Variants in FAP observed in about 807,000 individuals in gnomAD.
FAP encodes the protein fibroblast activation protein alpha, also known as prolyl endopeptidase FAP.
A neutral mutation model predicts 126.5 loss-of-function variants in FAP; 110 were observed. The observed-to-expected ratio is 0.87, with a 90% CI of 0.74 to 1.02. The LOEUF (loss-of-function observed/expected upper bound fraction) is 1.02, where lower values mean the gene tolerates loss of function less well. Ranked by LOEUF, FAP falls within the 50% of genes least tolerant of loss-of-function variation. The pLI is 0.00. For missense variants in FAP, 919 were observed against 909.2 expected, an observed-to-expected ratio of 1.01 and a Z score of -0.14; for synonymous variants, 334 against 297.3, an observed-to-expected ratio of 1.12 and a Z score of -1.27.
Position 162,219,134 on chromosome 2 carries a change from G to A in FAP, c.536C>T (p.Pro179Leu), listed in dbSNP as rs1459852729. 3.7e-6 allele frequency: 6 copies of A among 1,606,604 alleles called. No individual in the cohort carries two copies. The highest frequency in any genetic ancestry group is 5.1e-6 in the Non-Finnish European group (6 of 1,175,450). The change falls in exon 8 of 26, where the codon CCA becomes CTA. Residue 179 changes from proline to leucine, a missense_variant. Transcript: ENST00000188790. ...NIYLKQRPGDPPFQITFNGRE... is the reference protein window; with the variant it reads ...NIYLKQRPGDLPFQITFNGRE... Reference sequence around the variant, plus strand: ...TCCATTAAATGTTATTTGAAAAGGTGGATCTCCTGGTCTTTGTTTCAAATA... The same window carrying A: ...TCCATTAAATGTTATTTGAAAAGGTAGATCTCCTGGTCTTTGTTTCAAATA...
chr2:162,243,195 T>TCCCAAC, intron 1 of FAP, 127 bp downstream of exon 1: 1 of 865,584 alleles, frequency 1.2e-6, no homozygotes, highest in Non-Finnish European at 1.9e-6. Flanking sequence ...AATTTTCCAA[T>TCCCAAC]CCCAACCCAT....
At chr2:162,198,158 TA>T in intron 16 of FAP, 2 of 1,282,580 alleles carry the variant, frequency 1.6e-6, no homozygotes, top group Non-Finnish European at 2.0e-6. Context: ...TATGGTTTGT[TA>T]TATTTGATGC....
At chr2:162,193,080 C>T (rs1688112275) in intron 17 of FAP, among the ~76,000 whole-genome samples, 2 of 152,106 alleles carry the variant, frequency 1.3e-5, no homozygotes, top group Non-Finnish European at 2.9e-5. Flanking sequence ...AGATCCAGGA[C>T]CTAGCACAGT....
chr2:162,235,926 G>A (rs1690111241), intron 2 of FAP, among the ~76,000 whole-genome samples: 1 of 152,200 alleles, frequency 6.6e-6, no homozygotes, highest in Non-Finnish European at 1.5e-5. Flanking sequence ...CTTTCATTAA[G>A]TGTGATGTTA....
At chr2:162,185,914 C>G (rs1284916602) in intron 20 of FAP, among the ~76,000 whole-genome samples, 1 of 152,070 alleles carries the variant, frequency 6.6e-6, no homozygotes. Flanking sequence ...CTTTTGTTTT[C>G]TCAAAGCATT....
chr2:162,186,919 T>A (rs1486392470), intron 20 of FAP, among the ~76,000 whole-genome samples: 1 of 152,054 alleles, frequency 6.6e-6, no homozygotes, highest in Non-Finnish European at 1.5e-5. Context: ...AAGTGAATAG[T>A]TGAAAGGCCA....
intron 21 of FAP, among the ~76,000 whole-genome samples, chr2:162,177,524 G>A (rs1687526254): frequency 6.6e-6 from 1 of 152,050 alleles, no homozygotes; most frequent in South Asian, 2.1e-4. Context: ...CCTTCTGCCT[G>A]GAATGCTCTT....
chr2:162,188,384 A>T lies in FAP; in HGVS notation c.1620-21T>A, dbSNP rs377402804. The T allele has an allele frequency of 1.3e-5, 21 of 1,603,158 alleles. 1 individual carries two copies. In the African/African-American group the frequency reaches 1.9e-4, roughly 14 times the overall value. On this transcript the variant is annotated intron_variant, in intron 19 of 25. Coordinates refer to ENST00000188790, the MANE Select transcript of FAP (RefSeq NM_004460.5). Reference sequence around the variant, plus strand: ...CATACCTAAAGGAAAAACAAAAAAAACAAGAATCTTTGATTGCTTTGTAAA... The same window carrying T: ...CATACCTAAAGGAAAAACAAAAAAATCAAGAATCTTTGATTGCTTTGTAAA...
At chr2:162,182,263 A>G (rs1454523680) in intron 21 of FAP, among the ~76,000 whole-genome samples, 1 of 152,226 alleles carries the variant, frequency 6.6e-6, no homozygotes, top group Non-Finnish European at 1.5e-5. Context: ...GCAAAAGCAA[A>G]GTCCAACTCT....
chr2:162,181,909 T>C (rs1011218132), intron 21 of FAP, among the ~76,000 whole-genome samples: 19 of 152,230 alleles, frequency 1.2e-4, no homozygotes, highest in Non-Finnish European at 2.4e-4. Flanking sequence ...AATGTCTTTA[T>C]CCACATACTA....
chr2:162,205,822 T>G (rs1053248343), intron 12 of FAP, among the ~76,000 whole-genome samples: 1 of 152,204 alleles, frequency 6.6e-6, no homozygotes, highest in African/African-American at 2.4e-5. Context: ...TATGTCTCCT[T>G]CTTATTCCTC....
intron 6 of FAP, 76 bp downstream of exon 6, chr2:162,223,532 A>G: frequency 1.1e-6 from 1 of 947,148 alleles, no homozygotes; most frequent in Non-Finnish European, 1.7e-6. Context: ...AGTCTTCTTA[A>G]CCCCAAATCA....
chr2:162,221,315 A>G (rs1028104179), intron 6 of FAP, among the ~76,000 whole-genome samples: 1 of 152,094 alleles, frequency 6.6e-6, no homozygotes, highest in Non-Finnish European at 1.5e-5. Flanking sequence ...GGATTTCTTG[A>G]GGCCAGGAGT....
intron 20 of FAP, among the ~76,000 whole-genome samples, chr2:162,185,197 T>C (rs2106223407): frequency 6.6e-6 from 1 of 152,294 alleles, no homozygotes; most frequent in South Asian, 2.1e-4. Context: ...TTTCTAATCT[T>C]GGAGTCTGGA....
chr2:162,208,170 C>T (rs556737947), intron 12 of FAP, among the ~76,000 whole-genome samples: 167 of 151,194 alleles, frequency 1.1e-3, no homozygotes, highest in African/African-American at 3.7e-3. Context: ...GCAGGAGAAT[C>T]GCTTGAACCC....
intron 17 of FAP, among the ~76,000 whole-genome samples, chr2:162,191,205 C>T (rs557124592): frequency 9.9e-5 from 15 of 152,176 alleles, no homozygotes; most frequent in Admixed American, 3.3e-4. Context: ...AGACAGTATC[C>T]GGGTGTTGTC....
intron 14 of FAP, 122 bp downstream of exon 14, chr2:162,202,750 C>G: frequency 3.0e-6 from 2 of 657,640 alleles, no homozygotes; most frequent in Non-Finnish European, 5.1e-6. Context: ...AATGAACTCA[C>G]AACTGTCTGA....
chr2:162,214,922 A>G (rs957446042), intron 10 of FAP, among the ~76,000 whole-genome samples: 7 of 152,166 alleles, frequency 4.6e-5, no homozygotes, highest in Non-Finnish European at 1.0e-4. Context: ...AGTGTTCAGA[A>G]TACGTTTGCT....
rs754071047 is a variant in FAP, at chr2:162,192,530, A to ACCCTATC, written c.1450+2164_1450+2170dup. 1.1e-3 allele frequency among the ~76,000 whole-genome samples: 167 copies of ACCCTATC among 152,006 alleles called. 1 individual carries two copies. The highest frequency in any genetic ancestry group is 1.4e-3 in the Non-Finnish European group (96 of 67,954). On this transcript the variant is annotated intron_variant, in intron 17 of 25. Transcript: ENST00000188790. Reference sequence around the variant, plus strand: ...TTCGTTGTAGGCTCACTCCCCACTAACCCTATCCACTCTTGTTTTGTCCAC... The same window carrying ACCCTATC: ...TTCGTTGTAGGCTCACTCCCCACTAACCCTATCCCCTATCCACTCTTGTTTTGTCCAC...
Sources: allele counts gnomAD v4.1 joint callset (sites outside exome capture counted in the v4.1 genomes callset), GRCh38; gene constraint gnomAD v4.1.1; transcripts MANE v1.5; gene names NCBI Gene and HGNC (gene_info 2026-07-23, HGNC 2026-07-21).